The following GRHL2 variants were observed in gnomAD, a reference collection of about 807,000 sequenced individuals.
GRHL2 encodes the protein grainyhead like transcription factor 2.
GRHL2 carries 21 observed loss-of-function variants against 83.8 expected under a neutral mutation model. The ratio of observed to expected loss-of-function variants is 0.25; its 90% confidence interval spans 0.18 to 0.36. GRHL2 has a LOEUF of 0.36. Ranked by LOEUF, GRHL2 falls within the 10% of genes least tolerant of loss-of-function variation. GRHL2 has a pLI of 1.00. For synonymous variants in GRHL2, 280 were observed against 278.9 expected (o/e 1.00, Z -0.04); for missense variants, 623 against 781.8 (o/e 0.80, Z 2.42).
At chr8:101,628,717 G>T (rs765011947) in intron 9 of GRHL2, among the ~76,000 whole-genome samples, 4 of 151,972 alleles carry the variant, frequency 2.6e-5, no homozygotes, top group Non-Finnish European at 4.4e-5. Flanking sequence ...CATGGGAGGA[G>T]GTCAAAATAT....
At chr8:101,641,982 T>A (rs1252557626) in intron 12 of GRHL2, among the ~76,000 whole-genome samples, 1 of 152,212 alleles carries the variant, frequency 6.6e-6, no homozygotes. Flanking sequence ...TAAGGAAAAG[T>A]CTGTACATGT....
rs1813683316 is a variant in GRHL2 at position 101,652,536 on chromosome 8, TGTGTGTGTGTGGTGTGTATGTGTGGTG to T, written c.1698+3055_1698+3081del. On this transcript the variant is annotated intron_variant, in intron 14 of 15. Coordinates refer to ENST00000646743, the MANE Select transcript of GRHL2 (RefSeq NM_024915.4). ...GTGTGTGTGTGGTGTGTGTGTGGTG[TGTGTGTGTGTGGTGTGTATGTGTGGTG>T]GTGTGTGTGTGGTGTGTGTGGTGTC... is the stretch of plus-strand genomic sequence containing the variant. Among the ~76,000 whole-genome samples the T allele has an allele frequency of 7.7e-5, 3 of 39,068 alleles. 1 individual carries two copies. Among genetic ancestry groups the T allele is most frequent in the Non-Finnish European group, 1.5e-4 (3 of 20,410 alleles). 25.6% of individuals were successfully genotyped at this position (39,068 alleles called of 152,430 possible).
At chr8:101,648,165 A>G (rs1356829724) in intron 13 of GRHL2, among the ~76,000 whole-genome samples, 1 of 152,108 alleles carries the variant, frequency 6.6e-6, no homozygotes, top group Non-Finnish European at 1.5e-5. Context: ...TTATTCTGGG[A>G]GCTGAGCTGC....
intron 12 of GRHL2, among the ~76,000 whole-genome samples, chr8:101,638,968 G>A (rs1033246538): frequency 1.3e-5 from 2 of 152,174 alleles, no homozygotes; most frequent in Admixed American, 1.3e-4. Context: ...ATTTGACATT[G>A]AGCATCTTGC....
intron 8 of GRHL2, among the ~76,000 whole-genome samples, chr8:101,609,313 G>A (rs1235311617): frequency 6.8e-6 from 1 of 148,134 alleles, no homozygotes; most frequent in Non-Finnish European, 1.5e-5. Context: ...AGCAGCATCA[G>A]TGCTGACTTC....
Position 101,619,901 on chromosome 8 carries a change from T to TA in GRHL2, c.1257+205dup, listed in dbSNP as rs397799340. Among the ~76,000 whole-genome samples, 310 of 150,106 alleles carry TA rather than the reference T, an allele frequency of 2.1e-3. 2 individuals carry two copies. The highest frequency in any genetic ancestry group is 0.018 in the South Asian group (88 of 4,764). On this transcript the variant is annotated intron_variant, in intron 9 of 15. Coordinates refer to ENST00000646743, the MANE Select transcript of GRHL2 (RefSeq NM_024915.4). ...GTCAACTATTTTTTTTTTTTTTTTT[T>TA]AGTTTATCATTTTTATCACTAATTT...
At chr8:101,563,385 A>G (rs1333646980) in intron 4 of GRHL2, among the ~76,000 whole-genome samples, 1 of 152,024 alleles carries the variant, frequency 6.6e-6, no homozygotes, top group Non-Finnish European at 1.5e-5. Context: ...TCAGGTGAGC[A>G]AAGAGTACAA....
intron 9 of GRHL2, 133 bp from the exon 10 acceptor site, chr8:101,631,504 G>A: frequency 1.3e-6 from 1 of 759,232 alleles, no homozygotes. Flanking sequence ...CCTTGCCAGA[G>A]GAATGGAAAT....
intron 1 of GRHL2, among the ~76,000 whole-genome samples, chr8:101,535,310 C>A (rs1186797685): frequency 6.6e-6 from 1 of 152,082 alleles, no homozygotes; most frequent in African/African-American, 2.4e-5. Context: ...TGTGTGAATG[C>A]ACTTGGGGAT....
chr8:101,666,949 A>T lies in GRHL2; in HGVS notation c.*246A>T. 2 of 581,606 alleles carry T rather than the reference A, an allele frequency of 3.4e-6. No homozygotes were observed. The highest frequency in any genetic ancestry group is 6.2e-6 in the Non-Finnish European group (2 of 325,018). The allele number at this position is 581,606 out of a possible 1,614,324, so 36.0% of individuals were successfully genotyped here. A position where few individuals can be genotyped will look rare whatever the true frequency, so the allele number is the denominator to read the frequency against. On this transcript the variant is annotated 3_prime_UTR_variant, in exon 16 of 16. Coordinates refer to ENST00000646743, the MANE Select transcript of GRHL2 (RefSeq NM_024915.4). ...GGTGCCTTAGGCCTGTTGGATTCCT[A>T]TTTATTGCCCACCTTTTCCTGGAGC...
chr8:101,554,213 A>G (rs1408707262), intron 3 of GRHL2, among the ~76,000 whole-genome samples: 1 of 152,146 alleles, frequency 6.6e-6, no homozygotes, highest in Non-Finnish European at 1.5e-5. Flanking sequence ...CATCTGAGTC[A>G]CTGTTCCATT....
intron 1 of GRHL2, among the ~76,000 whole-genome samples, chr8:101,513,746 T>A (rs568390288): frequency 1.3e-5 from 2 of 152,250 alleles, no homozygotes; most frequent in South Asian, 4.1e-4. Context: ...TCTTCCCACC[T>A]TGGCCTCCCA....
chr8:101,516,760 T>C (rs148929318), intron 1 of GRHL2, among the ~76,000 whole-genome samples: 1 of 152,336 alleles, frequency 6.6e-6, no homozygotes, highest in Non-Finnish European at 1.5e-5. Flanking sequence ...TGCTATTTCT[T>C]GATCTATCAT....
downstream of GRHL2, among the ~76,000 whole-genome samples, chr8:101,670,199 G>T (rs968217209): frequency 1.6e-4 from 25 of 152,294 alleles, no homozygotes; most frequent in African/African-American, 5.8e-4. Context: ...TGGCTCGAAT[G>T]TGAACACCTG....
At chr8:101,509,223 G>C (rs1346651119) in intron 1 of GRHL2, among the ~76,000 whole-genome samples, 6 of 66,704 alleles carry the variant, frequency 9.0e-5, no homozygotes, top group Non-Finnish European at 1.6e-4. Flanking sequence ...GTGTGTGTGT[G>C]TGTGTGTGTG....
At chr8:101,591,301 TC>T (rs1812277003) in intron 7 of GRHL2, among the ~76,000 whole-genome samples, 2 of 152,160 alleles carry the variant, frequency 1.3e-5, no homozygotes, top group Admixed American at 1.3e-4. Flanking sequence ...TATCATCATT[TC>T]CCCAACACTG....
intron 13 of GRHL2, among the ~76,000 whole-genome samples, chr8:101,645,154 G>C (rs1372658470): frequency 1.7e-5 from 1 of 58,054 alleles, no homozygotes; most frequent in African/African-American, 6.8e-5. Flanking sequence ...TTTTTTTTTT[G>C]ACAAAGTCTT....
chr8:101,556,678 T>G (rs1047618658), intron 3 of GRHL2, among the ~76,000 whole-genome samples: 4 of 152,212 alleles, frequency 2.6e-5, no homozygotes, highest in African/African-American at 7.2e-5. Context: ...ACCACTTCCT[T>G]AAGCCCCCAA....
chr8:101,573,561 A>G, intron 5 of GRHL2, 107 bp from the exon 6 acceptor site: 1 of 1,373,118 alleles, frequency 7.3e-7, no homozygotes, highest in South Asian at 1.2e-5. Context: ...TCTCTAAAAC[A>G]GTAAACATTG....
Sources: gnomAD v4.1 joint callset for allele counts (sites outside exome capture counted in the v4.1 genomes callset) on GRCh38, gnomAD v4.1.1 for gene constraint, MANE v1.5 for transcripts, NCBI Gene and HGNC (gene_info 2026-07-23, HGNC 2026-07-21) for gene names.